PLXDC2: variants seen among roughly 807,000 people sequenced by gnomAD.
PLXDC2 encodes the protein plexin domain-containing protein 2.
In PLXDC2, 40 loss-of-function variants were observed where a neutral mutation model predicts 68.9. The ratio of observed to expected loss-of-function variants is 0.58; its 90% CI spans 0.45 to 0.76. PLXDC2 has a LOEUF of 0.76. Among genes scored for constraint, PLXDC2 ranks in the 30% least tolerant of loss-of-function variants. The probability of loss-of-function intolerance (pLI) is 0.00; values close to 1 mark genes in which losing one functional copy is unlikely to be tolerated. For missense variants in PLXDC2, 644 were observed against 661.9 expected (o/e 0.97, Z 0.30); for synonymous variants, 243 against 234.2 (o/e 1.04, Z -0.34).
intron 4 of PLXDC2, among the ~76,000 whole-genome samples, chr10:20,111,708 G>A (rs563056667): frequency 2.0e-5 from 3 of 152,222 alleles, no homozygotes; most frequent in East Asian, 3.9e-4. Flanking sequence ...CCCAAGATGC[G>A]AGTCTCACGG....
At chr10:20,147,957 T>C in intron 6 of PLXDC2, 55 bp downstream of exon 6, 3 of 1,218,254 alleles carry the variant, frequency 2.5e-6, no homozygotes, top group South Asian at 1.2e-5. Context: ...ACTGCTGCCT[T>C]TCCTCCAAAT....
chr10:19,974,201 A>C (rs1354942597), intron 1 of PLXDC2, among the ~76,000 whole-genome samples: 1 of 152,226 alleles, frequency 6.6e-6, no homozygotes, highest in Non-Finnish European at 1.5e-5. Context: ...CTGTTCCTTT[A>C]AGTAGGATTA....
intron 1 of PLXDC2, among the ~76,000 whole-genome samples, chr10:19,974,912 C>A (rs569133785): frequency 6.6e-6 from 1 of 152,276 alleles, no homozygotes. Context: ...AGGAAAAGGT[C>A]ATCTTCTGAC....
At chr10:20,123,409 T>C (rs2460575) in intron 4 of PLXDC2, among the ~76,000 whole-genome samples, 139,240 of 152,176 alleles carry the variant, frequency 0.91, 63,856 homozygotes, top group African/African-American at 0.94. Flanking sequence ...GCATCTCAGA[T>C]CATTTGCCCA....
At chr10:19,823,801 A>G (rs946553808) in intron 1 of PLXDC2, among the ~76,000 whole-genome samples, 1 of 152,252 alleles carries the variant, frequency 6.6e-6, no homozygotes, top group Middle Eastern at 3.4e-3. Flanking sequence ...AGCCTGGGCA[A>G]CATAGGGAAG....
intron 1 of PLXDC2, among the ~76,000 whole-genome samples, chr10:19,992,780 C>T (rs1834772192): frequency 6.6e-6 from 1 of 152,160 alleles, no homozygotes; most frequent in Non-Finnish European, 1.5e-5. Context: ...TTAACAGAGT[C>T]ACCATGATGG....
intron 1 of PLXDC2, among the ~76,000 whole-genome samples, chr10:19,928,040 C>G (rs1833567838): frequency 6.6e-6 from 1 of 152,116 alleles, no homozygotes; most frequent in South Asian, 2.1e-4. Flanking sequence ...TGAGAAGATG[C>G]AATATTGGGT....
intron 1 of PLXDC2, among the ~76,000 whole-genome samples, chr10:19,987,916 A>G (rs1464130466): frequency 2.0e-5 from 3 of 152,138 alleles, no homozygotes; most frequent in Non-Finnish European, 4.4e-5. Context: ...AAAGAGGAGG[A>G]AAAGTTCATA....
At chr10:20,058,167 A>G (rs1836033553) in intron 3 of PLXDC2, among the ~76,000 whole-genome samples, 1 of 152,174 alleles carries the variant, frequency 6.6e-6, no homozygotes, top group South Asian at 2.1e-4. Flanking sequence ...AATATTTTAC[A>G]TATTTATGGG....
At chr10:19,914,137 A>AGAAGGAAG (rs556854706) in intron 1 of PLXDC2, among the ~76,000 whole-genome samples, 12 of 151,232 alleles carry the variant, frequency 7.9e-5, no homozygotes, top group Non-Finnish European at 1.5e-4. Flanking sequence ...GAGGAAGGAA[A>AGAAGGAAG]GAAGGAAGGA....
intron 9 of PLXDC2, among the ~76,000 whole-genome samples, chr10:20,202,356 C>T (rs971805381): frequency 4.6e-5 from 7 of 152,158 alleles, no homozygotes; most frequent in African/African-American, 1.7e-4. Context: ...TTTCAGAAAT[C>T]TCATACTTTA....
Position 20,108,736 on chromosome 10 carries a change from A to C in PLXDC2, c.542-34559A>C, listed in dbSNP as rs994186678. 3.3e-5 allele frequency among the ~76,000 whole-genome samples: 5 copies of C among 152,286 alleles called. No individual in the cohort carries two copies. The East Asian group carries it at 9.6e-4, about 29-fold the overall frequency. On this transcript the variant is annotated intron_variant, in intron 4 of 13. Coordinates refer to ENST00000377252, the MANE Select transcript of PLXDC2 (RefSeq NM_032812.9). ...TTGATAGTTTTCCAAATTACCATTC[A>C]TCCCCAATCTTCTAATCTCTTTGAC...
At chr10:20,155,090 A>G (rs1323330068) in intron 6 of PLXDC2, among the ~76,000 whole-genome samples, 1 of 152,178 alleles carries the variant, frequency 6.6e-6, no homozygotes, top group African/African-American at 2.4e-5. Context: ...TTGGTGTCAC[A>G]TTTGCTGCTT....
chr10:19,823,534 T>A (rs1201318504), intron 1 of PLXDC2, among the ~76,000 whole-genome samples: 4 of 151,642 alleles, frequency 2.6e-5, no homozygotes, highest in Non-Finnish European at 2.9e-5. Flanking sequence ...ATAAAAAAAA[T>A]TAGCCAGGCA....
At chr10:19,877,772 C>CT (rs1837659994) in intron 1 of PLXDC2, among the ~76,000 whole-genome samples, 1 of 152,188 alleles carries the variant, frequency 6.6e-6, no homozygotes, top group Admixed American at 6.5e-5. Flanking sequence ...CTATTCGGGG[C>CT]CTTTTTATAA....
At chr10:20,177,751 GAA>G (rs55837147) in intron 9 of PLXDC2, among the ~76,000 whole-genome samples, 3 of 151,872 alleles carry the variant, frequency 2.0e-5, no homozygotes, top group Non-Finnish European at 2.9e-5. Flanking sequence ...CAAAAAATAA[GAA>G]AAAAAAAGTC....
At chr10:20,140,442 C>CTATCTA (rs34794355) in intron 4 of PLXDC2, among the ~76,000 whole-genome samples, 2 of 145,334 alleles carry the variant, frequency 1.4e-5, no homozygotes, top group Non-Finnish European at 3.0e-5. Context: ...TCTATCTATC[C>CTATCTA]GTCTAATCTT....
At chr10:19,938,498 T>A (rs1203258703) in intron 1 of PLXDC2, among the ~76,000 whole-genome samples, 1 of 152,122 alleles carries the variant, frequency 6.6e-6, no homozygotes, top group East Asian at 1.9e-4. Context: ...GGAGCAGGAC[T>A]GAGAGAGAGT....
chr10:19,969,088 G>T (rs1252942163), intron 1 of PLXDC2, among the ~76,000 whole-genome samples: 1 of 152,144 alleles, frequency 6.6e-6, no homozygotes, highest in Non-Finnish European at 1.5e-5. Flanking sequence ...TTTGACAATT[G>T]TTTGATTCTC....
Sources: allele counts gnomAD v4.1 joint callset (sites outside exome capture counted in the v4.1 genomes callset), GRCh38; gene constraint gnomAD v4.1.1; transcripts MANE v1.5; gene names NCBI Gene and HGNC (gene_info 2026-07-23, HGNC 2026-07-21).